ST6GALNAC5: variants seen among roughly 807,000 people sequenced by gnomAD.
The protein encoded by ST6GALNAC5 is alpha-N-acetylgalactosaminide alpha-2,6-sialyltransferase 5.
ST6GALNAC5 carries 27 observed loss-of-function variants against 33.6 expected under a neutral mutation model. The ratio of observed to expected loss-of-function variants is 0.80; its 90% CI spans 0.59 to 1.11. ST6GALNAC5 has a LOEUF of 1.11. Ranked by LOEUF, ST6GALNAC5 falls within the 50% of genes least tolerant of loss-of-function variation. ST6GALNAC5 has a pLI of 0.00. For synonymous variants in ST6GALNAC5, 194 were observed against 171.2 expected (o/e 1.13, Z -1.04); for missense variants, 428 against 454.0 (o/e 0.94, Z 0.52).
chr1:76,928,161 T>C (rs1189006989), intron 2 of ST6GALNAC5, among the ~76,000 whole-genome samples: 1 of 152,126 alleles, frequency 6.6e-6, no homozygotes, highest in African/African-American at 2.4e-5. Flanking sequence ...GAAATATAGT[T>C]TCACATTTTA....
chr1:76,886,852 G>T (rs1314596947), intron 2 of ST6GALNAC5, among the ~76,000 whole-genome samples: 1 of 152,028 alleles, frequency 6.6e-6, no homozygotes, highest in Non-Finnish European at 1.5e-5. Context: ...GTTTTTTAAG[G>T]TTCATCTGTG....
At chr1:77,043,477 C>T (rs1248959530) in intron 2 of ST6GALNAC5, among the ~76,000 whole-genome samples, 1 of 152,200 alleles carries the variant, frequency 6.6e-6, no homozygotes, top group Non-Finnish European at 1.5e-5. Flanking sequence ...GGGTCTGTGG[C>T]TCTGAGCTTG....
intron 2 of ST6GALNAC5, among the ~76,000 whole-genome samples, chr1:76,945,312 T>C (rs1004769832): frequency 2.3e-4 from 34 of 150,742 alleles, no homozygotes; most frequent in African/African-American, 7.3e-4. Flanking sequence ...AAAATAGTGT[T>C]TTGATTAGAC....
chr1:76,934,289 C>T (rs1322804478), intron 2 of ST6GALNAC5, among the ~76,000 whole-genome samples: 23 of 152,000 alleles, frequency 1.5e-4, no homozygotes, highest in Non-Finnish European at 7.4e-5. Context: ...TTCTCTTGTT[C>T]TCAATGCAAA....
chr1:77,065,430 G>A lies in ST6GALNAC5; in HGVS notation c.*2224G>A, dbSNP rs1316155598. ...TCTCAAATACTCAGAAGAATGAAGA[G>A]GCCAAATTCAGAAAATCATGGCTTC... is the stretch of plus-strand genomic sequence containing the variant. On this transcript the variant is annotated 3_prime_UTR_variant, in exon 5 of 5. Transcript: ENST00000477717. 6.6e-6 allele frequency: 1 copy of A among 152,030 alleles called. No individual in the cohort carries two copies. Among genetic ancestry groups the A allele is most frequent in the South Asian group, 2.1e-4 (1 of 4,824 alleles). The allele number at this position is 152,030 out of a possible 1,614,324, so 9.4% of individuals were successfully genotyped here.
At chr1:77,019,625 C>A (rs907261647) in intron 2 of ST6GALNAC5, among the ~76,000 whole-genome samples, 1 of 152,134 alleles carries the variant, frequency 6.6e-6, no homozygotes, top group Non-Finnish European at 1.5e-5. Flanking sequence ...TATAATTAGC[C>A]CAGCTTTGTG....
At chr1:77,005,351 C>T (rs868375115) in intron 2 of ST6GALNAC5, among the ~76,000 whole-genome samples, 58 of 152,094 alleles carry the variant, frequency 3.8e-4, no homozygotes, top group Admixed American at 1.2e-3. Flanking sequence ...CTTCGGCTCG[C>T]GCACGGTGCG....
Position 77,044,572 on chromosome 1 carries a change from G to T in ST6GALNAC5, c.630G>T (p.Leu210=). 6.3e-7 allele frequency: 1 copy of T among 1,581,928 alleles called. No individual in the cohort carries two copies. The highest frequency in any genetic ancestry group is 8.6e-7 in the Non-Finnish European group (1 of 1,161,980). ...KAFMITRHKM[L]QFDELFKQET... ...TCATGATTACTCGCCACAAGATGCT[G>T]CAGTTTGATGAGCTCTTCAAGCAGG... The change falls in exon 3 of 5, where the codon CTG becomes CTT. Residue 210 remains leucine (L), a synonymous_variant. Transcript: ENST00000477717.
chr1:77,044,880 T>C (rs537214341), intron 3 of ST6GALNAC5, among the ~76,000 whole-genome samples: 63 of 152,294 alleles, frequency 4.1e-4, no homozygotes, highest in African/African-American at 1.5e-3. Flanking sequence ...CTGGCCTTCA[T>C]TGGTTAAAAG....
At chr1:77,001,686 G>GT (rs1650173021) in intron 2 of ST6GALNAC5, among the ~76,000 whole-genome samples, 1 of 151,734 alleles carries the variant, frequency 6.6e-6, no homozygotes, top group South Asian at 2.1e-4. Flanking sequence ...TTTATTGAGA[G>GT]TTTTTAGCAT....
At chr1:76,893,146 G>A (rs1654049469) in intron 2 of ST6GALNAC5, among the ~76,000 whole-genome samples, 1 of 152,126 alleles carries the variant, frequency 6.6e-6, no homozygotes. Flanking sequence ...CAACAACTGT[G>A]TAAGCTTAGG....
chr1:77,062,911 C>A, intron 4 of ST6GALNAC5, 64 bp from the exon 5 acceptor site: 1 of 1,177,592 alleles, frequency 8.5e-7, no homozygotes, highest in South Asian at 1.3e-5. Flanking sequence ...AACATCTTAC[C>A]TCAATCAGTC....
At chr1:76,940,635 G>C (rs1173366239) in intron 2 of ST6GALNAC5, among the ~76,000 whole-genome samples, 2 of 152,030 alleles carry the variant, frequency 1.3e-5, no homozygotes, top group Admixed American at 6.6e-5. Flanking sequence ...GTAAACCAGG[G>C]ACCAAAATCT....
At chr1:76,918,492 C>T (rs1342356244) in intron 2 of ST6GALNAC5, among the ~76,000 whole-genome samples, 1 of 151,820 alleles carries the variant, frequency 6.6e-6, no homozygotes, top group Non-Finnish European at 1.5e-5. Context: ...GTGCCACATG[C>T]CTGTAGTCTC....
At chr1:77,026,469 C>T (rs1048546837) in intron 2 of ST6GALNAC5, among the ~76,000 whole-genome samples, 6 of 152,180 alleles carry the variant, frequency 3.9e-5, no homozygotes, top group African/African-American at 1.4e-4. Context: ...GGCGTAATTC[C>T]AGCTTTGGCA....
At chr1:77,003,587 C>T (rs1332663507) in intron 2 of ST6GALNAC5, among the ~76,000 whole-genome samples, 3 of 151,550 alleles carry the variant, frequency 2.0e-5, no homozygotes, top group Non-Finnish European at 4.4e-5. Context: ...TTCCTAGTCT[C>T]GATGGTCTTT....
rs79764340 is a variant in ST6GALNAC5 at position 76,992,852 on chromosome 1, G to T, written c.262-51352G>T. On this transcript the variant is annotated intron_variant, in intron 2 of 4. Transcript: ENST00000477717. Reference sequence around the variant, plus strand: ...GCTGGCTGGGCCACAGACGATTCCTGTGTATTTCCCAAAACAGTATGCACA... The same window carrying T: ...GCTGGCTGGGCCACAGACGATTCCTTTGTATTTCCCAAAACAGTATGCACA... 7.9e-5 allele frequency among the ~76,000 whole-genome samples: 12 copies of T among 152,264 alleles called. No individual in the cohort carries two copies. The East Asian group carries it at 2.3e-3, about 29-fold the overall frequency.
At chr1:77,006,982 C>T (rs1650444036) in intron 2 of ST6GALNAC5, among the ~76,000 whole-genome samples, 1 of 152,160 alleles carries the variant, frequency 6.6e-6, no homozygotes. Context: ...CCAGCTTGCT[C>T]CCAGGGTGGC....
rs1247203376 is a variant in ST6GALNAC5, at chr1:77,063,377, A to G, written c.*171A>G. ...GACAAAGCAGTGCAGTTGGATTGTA[A>G]GGAAAAATTCCGGAATTAATGCATC... On this transcript the variant is annotated 3_prime_UTR_variant, in exon 5 of 5. Transcript: ENST00000477717. 4.8e-6 allele frequency: 3 copies of G among 625,600 alleles called. No individual in the cohort carries two copies. The African/African-American group carries it at 5.5e-5, about 12-fold the overall frequency. 38.8% of individuals were successfully genotyped at this position (625,600 alleles called of 1,614,324 possible).
Sources: allele counts gnomAD v4.1 joint callset (sites outside exome capture counted in the v4.1 genomes callset), GRCh38; gene constraint gnomAD v4.1.1; transcripts MANE v1.5; gene names NCBI Gene and HGNC (gene_info 2026-07-23, HGNC 2026-07-21).